The following PDE1C variants were observed in gnomAD, a reference collection of about 807,000 sequenced individuals.
PDE1C encodes the protein phosphodiesterase 1C.
A neutral mutation model predicts 93.1 loss-of-function variants in PDE1C; 62 were observed. The ratio of observed to expected loss-of-function variants is 0.67; its 90% CI spans 0.54 to 0.82. PDE1C has a LOEUF of 0.82. PDE1C is among the 40% of genes least tolerant of loss of function. The pLI is 0.00. For synonymous variants in PDE1C, 325 were observed against 310.1 expected, an observed-to-expected ratio of 1.05 and a Z score of -0.50; for missense variants, 742 against 884.6, an observed-to-expected ratio of 0.84 and a Z score of 2.04.
intron 2 of PDE1C, among the ~76,000 whole-genome samples, chr7:32,195,266 CT>C (rs1028077090): frequency 2.2e-4 from 33 of 152,230 alleles, no homozygotes; most frequent in African/African-American, 7.5e-4. Flanking sequence ...TTATTGTTTT[CT>C]TTTTGTTTAG....
chr7:31,846,189 G>A (rs1322723801), intron 9 of PDE1C, among the ~76,000 whole-genome samples: 6 of 149,426 alleles, frequency 4.0e-5, no homozygotes, highest in Admixed American at 6.7e-5. Flanking sequence ...CCAAACATAC[G>A]TATGCTACTT....
At chr7:31,659,470 C>T in the PDE1C span, among the ~76,000 whole-genome samples, 1 of 152,216 alleles carries the variant, frequency 6.6e-6, no homozygotes. Context: ...CCACCAACCT[C>T]TCTGCTTCTT....
rs949023875 is a variant in PDE1C at position 31,893,384 on chromosome 7, A to G, written c.129-12524T>C. ...ATTGTCGTTTGTGGTCAGCTCCAGT[A>G]TATTCTAATAACTGAACGTGTCAAA... On this transcript the variant is annotated intron_variant, in intron 2 of 17. Transcript: ENST00000396191. 13 of 590,608 alleles carry G rather than the reference A, an allele frequency of 2.2e-5. No homozygotes were observed. The South Asian group carries it at 2.9e-4, about 13-fold the overall frequency. The allele number at this position is 590,608 out of a possible 1,614,324, so 36.6% of individuals were successfully genotyped here.
intron 2 of PDE1C, among the ~76,000 whole-genome samples, chr7:32,180,920 C>G (rs55758052): frequency 0.12 from 17,829 of 152,044 alleles, 1,203 homozygotes; most frequent in Middle Eastern, 0.18. Context: ...TTGTTATCTG[C>G]GAGACACAAA....
chr7:32,100,329 G>A (rs1031714504), intron 3 of PDE1C, among the ~76,000 whole-genome samples: 1 of 152,200 alleles, frequency 6.6e-6, no homozygotes, highest in African/African-American at 2.4e-5. Context: ...TAAATCCATA[G>A]TTCTAGTTGT....
At chr7:31,937,574 A>G (rs534417663) in intron 2 of PDE1C, among the ~76,000 whole-genome samples, 1 of 152,310 alleles carries the variant, frequency 6.6e-6, no homozygotes, top group Non-Finnish European at 1.5e-5. Flanking sequence ...AGGAAGATCC[A>G]TTCTTTTGGC....
intron 2 of PDE1C, among the ~76,000 whole-genome samples, chr7:31,996,123 G>A (rs1170326040): frequency 6.7e-6 from 1 of 149,498 alleles, no homozygotes; most frequent in Non-Finnish European, 1.5e-5. Context: ...GCATTCACTG[G>A]GTGTAAAAAC....
At chr7:32,255,010 C>T (rs1809679078) in intron 1 of PDE1C, among the ~76,000 whole-genome samples, 1 of 152,178 alleles carries the variant, frequency 6.6e-6, no homozygotes, top group Non-Finnish European at 1.5e-5. Flanking sequence ...CAAATGCAGC[C>T]AGCCTAAGTT....
chr7:31,724,745 C>CTT, the PDE1C span, among the ~76,000 whole-genome samples: 1 of 152,148 alleles, frequency 6.6e-6, no homozygotes, highest in Non-Finnish European at 1.5e-5. Context: ...AAACTTTTTT[C>CTT]TTTTCCCAAC....
chr7:32,023,174 AG>A (rs1788924681), intron 2 of PDE1C, among the ~76,000 whole-genome samples: 1 of 152,100 alleles, frequency 6.6e-6, no homozygotes. Context: ...TGGTCCTGGC[AG>A]AAACGTTAAC....
intron 2 of PDE1C, among the ~76,000 whole-genome samples, chr7:31,935,296 C>A (rs1184963973): frequency 6.6e-6 from 1 of 152,172 alleles, no homozygotes; most frequent in Admixed American, 6.5e-5. Context: ...TGGCTGACAG[C>A]CCTGAGCCTG....
chr7:31,724,336 C>T, the PDE1C span, among the ~76,000 whole-genome samples: 1 of 152,180 alleles, frequency 6.6e-6, no homozygotes, highest in Admixed American at 6.5e-5. Context: ...AACCTTTTGC[C>T]CTATCTATGT....
intron 17 of PDE1C, among the ~76,000 whole-genome samples, chr7:31,756,491 G>A (rs1273392374): frequency 2.0e-5 from 3 of 152,148 alleles, no homozygotes; most frequent in Non-Finnish European, 4.4e-5. Context: ...GAAAGTTGAT[G>A]ACTAAAAGTA....
intron 1 of PDE1C, among the ~76,000 whole-genome samples, chr7:32,355,059 T>C (rs1437825135): frequency 1.3e-5 from 2 of 150,744 alleles, no homozygotes; most frequent in Non-Finnish European, 3.0e-5. Context: ...AACCAACCCC[T>C]GGCTTTCTCA....
intron 1 of PDE1C, among the ~76,000 whole-genome samples, chr7:32,264,448 C>T (rs1332109019): frequency 3.3e-5 from 5 of 152,144 alleles, no homozygotes; most frequent in East Asian, 1.9e-4. Context: ...GCGACTACAC[C>T]GAAATGTAAA....
At chr7:31,646,251 A>G in the PDE1C span, among the ~76,000 whole-genome samples, 2 of 152,232 alleles carry the variant, frequency 1.3e-5, no homozygotes, top group African/African-American at 4.8e-5. Context: ...CCCAGAGAGC[A>G]TGACTGGTCA....
At chr7:31,692,399 T>C in the PDE1C span, 1 of 1,467,842 alleles carries the variant, frequency 6.8e-7, no homozygotes, top group Non-Finnish European at 9.5e-7. Context: ...TTTTTATACT[T>C]CCTTAGTGCT....
At chr7:32,276,571 C>T (rs540473940) in intron 1 of PDE1C, among the ~76,000 whole-genome samples, 6 of 152,230 alleles carry the variant, frequency 3.9e-5, no homozygotes, top group South Asian at 4.1e-4. Context: ...GACTGTTCTG[C>T]GTGATGATCA....
intron 7 of PDE1C, among the ~76,000 whole-genome samples, chr7:31,855,866 G>T (rs1451003113): frequency 1.3e-5 from 2 of 148,806 alleles, no homozygotes; most frequent in East Asian, 1.9e-4. Context: ...ATGGCCAAGG[G>T]ATAGCTTTGG....
Sources: gnomAD v4.1 joint callset for allele counts (sites outside exome capture counted in the v4.1 genomes callset) on GRCh38, gnomAD v4.1.1 for gene constraint, MANE v1.5 for transcripts, NCBI Gene and HGNC (gene_info 2026-07-23, HGNC 2026-07-21) for gene names.